Variants in PDGFB observed in about 807,000 individuals in gnomAD.
PDGFB encodes the protein platelet derived growth factor subunit B.
A neutral mutation model predicts 29.0 loss-of-function variants in PDGFB; 6 were observed. The observed-to-expected ratio is 0.21, with a 90% CI of 0.11 to 0.41. The LOEUF (loss-of-function observed/expected upper bound fraction) is 0.41. PDGFB is among the 10% of genes least tolerant of loss of function. PDGFB has a pLI of 1.00. For synonymous variants in PDGFB, 144 were observed against 140.8 expected, an observed-to-expected ratio of 1.02 and a Z score of -0.16; for missense variants, 299 against 341.8, an observed-to-expected ratio of 0.87 and a Z score of 0.99.
intron 2 of PDGFB, 28 bp from the exon 3 acceptor site, chr22:39,233,552 A>T: frequency 1.3e-6 from 2 of 1,537,578 alleles, no homozygotes; most frequent in Non-Finnish European, 1.8e-6. Context: ...GTCAGACACC[A>T]GGCGGCCCCA....
At chr22:39,240,278 C>CAGCCAGGGGACGG (rs1438930475) in intron 1 of PDGFB, among the ~76,000 whole-genome samples, 2 of 152,132 alleles carry the variant, frequency 1.3e-5, no homozygotes, top group African/African-American at 4.8e-5. Flanking sequence ...ATCCCCATCC[C>CAGCCAGGGGACGG]AGCCAGGGGA....
chr22:39,231,878 C>T lies in PDGFB; in HGVS notation c.251-51G>A. 2 of 1,529,574 alleles carry T rather than the reference C, an allele frequency of 1.3e-6. No homozygotes were observed. The highest frequency in any genetic ancestry group is 1.8e-6 in the Non-Finnish European group (2 of 1,122,334). The allele number at this position is 1,529,574 out of a possible 1,614,324, so 94.8% of individuals were successfully genotyped here. ...GGAGCGTAGGCCTGTCCAGAGTCCC[C>T]CCACTTGGCAGGGGAGCTCAGCGGG... is the stretch of plus-strand genomic sequence containing the variant. On this transcript the variant is annotated intron_variant, in intron 3 of 6. Coordinates refer to ENST00000331163, the MANE Select transcript of PDGFB (RefSeq NM_002608.4). This position sits in a 1 kb window ranked among gnomAD's most constrained non-coding sequence, Gnocchi z 4.3.
At chr22:39,228,325 A>G (rs1041026834) in intron 5 of PDGFB, among the ~76,000 whole-genome samples, 7 of 151,674 alleles carry the variant, frequency 4.6e-5, no homozygotes, top group Admixed American at 2.0e-4. Flanking sequence ...TGGTGGCTCA[A>G]TGCCTGTAAT....
chr22:39,232,212 G>T (rs1932325846), intron 3 of PDGFB, among the ~76,000 whole-genome samples: 1 of 152,174 alleles, frequency 6.6e-6, no homozygotes, highest in Admixed American at 6.5e-5. Context: ...TTTTATGCAG[G>T]TACCATATTA....
In PDGFB at chr22:39,225,973, T is replaced by C; in HGVS notation, c.602-126A>G. The C allele has an allele frequency of 5.2e-6, 6 of 1,154,986 alleles. No homozygotes were observed. In the South Asian group the frequency reaches 8.5e-5, roughly 16 times the overall value. 71.5% of individuals were successfully genotyped at this position (1,154,986 alleles called of 1,614,324 possible). The stretch of plus-strand genomic sequence containing the variant: ...GACAGGAGGGGAATCTGGACCAGGG[T>C]CCTGGGTTTGGATCCCAACTCCACT... On this transcript the variant is annotated intron_variant, in intron 5 of 6. Coordinates refer to ENST00000331163, the MANE Select transcript of PDGFB (RefSeq NM_002608.4).
chr22:39,235,188 A>C (rs1932411717), intron 2 of PDGFB, among the ~76,000 whole-genome samples: 1 of 152,206 alleles, frequency 6.6e-6, no homozygotes, highest in East Asian at 1.9e-4. Flanking sequence ...CTGGGGGTGC[A>C]GGGGGGCTGC....
At position 39,237,334 on chromosome 22, in the gene PDGFB, C is replaced by T. The variant is rs118022588; in HGVS notation, c.64-1460G>A. Among the ~76,000 whole-genome samples, 92 of 152,254 alleles carry T rather than the reference C, an allele frequency of 6.0e-4. 3 individuals carry two copies. The East Asian group carries it at 0.017, about 28-fold the overall frequency. On this transcript the variant is annotated intron_variant, in intron 1 of 6. Transcript: ENST00000331163. The stretch of plus-strand genomic sequence containing the variant: ...TGACCACTTTTAAAGCTACATCATT[C>T]CCTGAAACCCCTGAGTCTCCATGTC...
chr22:39,241,622 G>C (rs553149087), intron 1 of PDGFB, among the ~76,000 whole-genome samples: 11 of 152,252 alleles, frequency 7.2e-5, no homozygotes, highest in Non-Finnish European at 1.6e-4. Context: ...AGCTGGAAAT[G>C]GTAAGGGGAG....
At position 39,231,599 on chromosome 22, in the gene PDGFB, G is replaced by A. The variant is rs749162284; in HGVS notation, c.456+23C>T. 1.6e-5 allele frequency: 25 copies of A among 1,515,574 alleles called. No individual in the cohort carries two copies. Among genetic ancestry groups the A allele is most frequent in the South Asian group, 4.9e-5 (4 of 81,676 alleles). The allele number at this position is 1,515,574 out of a possible 1,614,324, so 93.9% of individuals were successfully genotyped here. ...TCCACCCACCACCGGGACCAGCCTC[G>A]GGGGGCCGCGGAGCCTACGCACCTG... On this transcript the variant is annotated intron_variant, in intron 4 of 6. Transcript: ENST00000331163. This position sits in a 1 kb window ranked among gnomAD's most constrained non-coding sequence, Gnocchi z 4.3.
rs1062604 is a variant in PDGFB at position 39,224,590 on chromosome 22, G to A, written c.*752C>T. 1 of 152,788 alleles carries A rather than the reference G, an allele frequency of 6.5e-6. No homozygotes were observed. The highest frequency in any genetic ancestry group is 1.9e-4 in the East Asian group (1 of 5,274). 9.5% of individuals were successfully genotyped at this position (152,788 alleles called of 1,614,324 possible). A position where few individuals can be genotyped will look rare whatever the true frequency, so the allele number is the denominator to read the frequency against. On this transcript the variant is annotated 3_prime_UTR_variant, in exon 7 of 7. Coordinates refer to ENST00000331163, the MANE Select transcript of PDGFB (RefSeq NM_002608.4). The stretch of plus-strand genomic sequence containing the variant: ...AGGAAGAGGTGAATCAGAGTGGAGT[G>A]TGGGGAGGAAGGGGTGGCAGGAGGC...
At chr22:39,230,339 C>G in intron 4 of PDGFB, 111 bp from the exon 5 acceptor site, 1 of 1,111,608 alleles carries the variant, frequency 9.0e-7, no homozygotes, top group Non-Finnish European at 1.3e-6. Flanking sequence ...AATCTTTCCT[C>G]GAAAGCCCGG....
Position 39,242,606 on chromosome 22 carries a change from G to A in PDGFB, c.63+1295C>T, listed in dbSNP as rs1401890664. 6.6e-6 allele frequency among the ~76,000 whole-genome samples: 1 copy of A among 151,596 alleles called. No homozygotes were observed. Among genetic ancestry groups the A allele is most frequent in the African/African-American group, 2.4e-5 (1 of 41,352 alleles). ...GGGGCCCCCGGGCGGGCGGCCTGCG[G>A]CCCTCGAGGAGCCCCGAGAACAAAA... On this transcript the variant is annotated intron_variant, in intron 1 of 6. Transcript: ENST00000331163. The surrounding 1 kb of genome is among the most constrained non-coding windows in gnomAD (Gnocchi z 5.7).
At position 39,235,771 on chromosome 22, in the gene PDGFB, C is replaced by T; in HGVS notation, c.160+7G>A. On this transcript the variant is annotated splice_region_variant and intron_variant, in intron 2 of 6. Transcript: ENST00000331163. The stretch of plus-strand genomic sequence containing the variant: ...GGGCCGGAGCGCGGGGCGAGGATTC[C>T]ATTTACCTCCGGGGTCTCCGTGCAG... 6.2e-7 allele frequency: 1 copy of T among 1,607,644 alleles called. No individual in the cohort carries two copies. Among genetic ancestry groups the T allele is most frequent in the Non-Finnish European group, 8.5e-7 (1 of 1,174,288 alleles).
chr22:39,228,893 A>AAAAAAAAAAAAAAAT (rs1184799325), intron 5 of PDGFB, among the ~76,000 whole-genome samples: 52 of 132,618 alleles, frequency 3.9e-4, no homozygotes, highest in African/African-American at 8.6e-4. Context: ...CCTCAAAAAA[A>AAAAAAAAAAAAAAAT]ATATATATAT....
chr22:39,237,824 C>T (rs140082276), intron 1 of PDGFB, among the ~76,000 whole-genome samples: 7 of 152,312 alleles, frequency 4.6e-5, no homozygotes, highest in South Asian at 4.1e-4. Context: ...ATCTGTGAAT[C>T]GAGGGGCTTG....
chr22:39,229,995 C>T (rs1041242430), intron 5 of PDGFB, 89 bp downstream of exon 5: 2 of 1,451,938 alleles, frequency 1.4e-6, no homozygotes, highest in African/African-American at 2.8e-5. Context: ...GGGGGCGGGC[C>T]TGATCCCATT....
chr22:39,234,798 C>G (rs1289898827), intron 2 of PDGFB, among the ~76,000 whole-genome samples: 1 of 152,258 alleles, frequency 6.6e-6, no homozygotes, highest in East Asian at 1.9e-4. Context: ...TCCAAGATCC[C>G]GACCCCCACC....
rs1347737781 is a variant in PDGFB, at chr22:39,223,718, C to T, written c.*1624G>A. The stretch of plus-strand genomic sequence containing the variant: ...GTTTTGTGGTTATTTTTTTTTACAA[C>T]TTTAAATACGGAATATAAATAAATT... On this transcript the variant is annotated 3_prime_UTR_variant, in exon 7 of 7. Transcript: ENST00000331163. 1 of 152,618 alleles carries T rather than the reference C, an allele frequency of 6.6e-6. No homozygotes were observed. Among genetic ancestry groups the T allele is most frequent in the African/African-American group, 2.4e-5 (1 of 41,388 alleles). 9.5% of individuals were successfully genotyped at this position (152,618 alleles called of 1,614,324 possible).
Position 39,231,084 on chromosome 22 carries a change from G to C in PDGFB, c.456+538C>G, listed in dbSNP as rs977806693. 6.6e-6 allele frequency among the ~76,000 whole-genome samples: 1 copy of C among 152,192 alleles called. No individual in the cohort carries two copies. The highest frequency in any genetic ancestry group is 1.5e-5 in the Non-Finnish European group (1 of 68,038). ...TTGTCAGGGGACCTGCCCCAGCTCCGCAGTGTCTATCACCTGGTGGGCCTC... is the reference window on the plus strand; with the variant it reads ...TTGTCAGGGGACCTGCCCCAGCTCCCCAGTGTCTATCACCTGGTGGGCCTC... On this transcript the variant is annotated intron_variant, in intron 4 of 6. Coordinates refer to ENST00000331163, the MANE Select transcript of PDGFB (RefSeq NM_002608.4). The surrounding 1 kb of genome is among the most constrained non-coding windows in gnomAD (Gnocchi z 4.3).
Sources: allele counts gnomAD v4.1 joint callset (sites outside exome capture counted in the v4.1 genomes callset), GRCh38; gene constraint gnomAD v4.1.1; non-coding constraint Gnocchi (gnomAD v3.1); transcripts MANE v1.5; gene names NCBI Gene and HGNC (gene_info 2026-07-23, HGNC 2026-07-21).